Variants in PATJ observed in about 807,000 individuals in gnomAD.
PATJ encodes the protein inaD-like protein.
A neutral mutation model predicts 224.9 loss-of-function variants in PATJ; 190 were observed. The observed-to-expected ratio is 0.84, with a 90% CI of 0.75 to 0.95. The LOEUF is 0.95. Among genes scored for constraint, PATJ ranks in the 40% least tolerant of loss-of-function variants. The pLI, the probability that PATJ is intolerant of heterozygous loss-of-function variation, is 0.00. For synonymous variants in PATJ, 769 were observed against 820.3 expected (o/e 0.94, Z 1.07); for missense variants, 2,121 against 2,270.3 (o/e 0.93, Z 1.34).
chr1:62,007,692 A>T (rs1646173919), intron 28 of PATJ, among the ~76,000 whole-genome samples: 1 of 152,212 alleles, frequency 6.6e-6, no homozygotes, highest in Admixed American at 6.5e-5. Context: ...GAGAAGCCCA[A>T]CATCTAGATG....
chr1:61,893,626 C>G (rs1669918986), intron 22 of PATJ, among the ~76,000 whole-genome samples: 1 of 151,226 alleles, frequency 6.6e-6, no homozygotes, highest in African/African-American at 2.4e-5. Context: ...CATAATGAGA[C>G]CCCGTATCTA....
At chr1:61,871,079 G>T (rs12121398) in intron 20 of PATJ, among the ~76,000 whole-genome samples, 6,096 of 62,906 alleles carry the variant, frequency 0.097, 142 homozygotes, top group Non-Finnish European at 0.12. Flanking sequence ...TGTTTTTTTT[G>T]TTTTTTTTTT....
At position 61,927,845 on chromosome 1, in the gene PATJ, C is replaced by T. The variant is rs763452478; in HGVS notation, c.3670+16C>T. 6.5e-7 allele frequency: 1 copy of T among 1,535,832 alleles called. No individual in the cohort carries two copies. Among genetic ancestry groups the T allele is most frequent in the Non-Finnish European group, 9.0e-7 (1 of 1,111,396 alleles). ...TTTACCGACCGTGAGTGCCTTTTCA[C>T]TATTTAGGGTAGATGCAGAACTTAT... On this transcript the variant is annotated intron_variant, in intron 27 of 43. Coordinates refer to ENST00000642238, the MANE Select transcript of PATJ (RefSeq NM_001350145.3).
chr1:61,835,674 G>A (rs1660065692), intron 17 of PATJ, among the ~76,000 whole-genome samples: 2 of 152,236 alleles, frequency 1.3e-5, no homozygotes, highest in South Asian at 4.1e-4. Context: ...AATGTGCTGG[G>A]ATTGCAGGCA....
At chr1:61,993,835 G>A (rs577150246) in intron 28 of PATJ, among the ~76,000 whole-genome samples, 2 of 152,076 alleles carry the variant, frequency 1.3e-5, no homozygotes, top group African/African-American at 2.4e-5. Context: ...AGAAACTTCC[G>A]GTATCTGTTT....
At chr1:62,128,793 T>G (rs370413780) in intron 40 of PATJ, 48 bp from the exon 41 acceptor site, 2 of 1,279,170 alleles carry the variant, frequency 1.6e-6, no homozygotes, top group Non-Finnish European at 2.3e-6. Flanking sequence ...CTTCTCAAAT[T>G]TAATTTTTCT....
chr1:61,833,687 G>A lies in PATJ; in HGVS notation c.2014G>A (p.Asp672Asn). Reference sequence around the variant, plus strand: ...CAATATGGATGTCAATACTGAAGAAGATGATGATGGGGAATTAGCACTGTG... The same window carrying A: ...CAATATGGATGTCAATACTGAAGAAAATGATGATGGGGAATTAGCACTGTG... ...DHNMDVNTEEDDDGELALWSP... is the reference protein window; with the variant it reads ...DHNMDVNTEENDDGELALWSP... The change falls in exon 17 of 44, where the codon GAT becomes AAT. Residue 672 changes from aspartate (D) to asparagine (N), a missense_variant. By Grantham distance (23) the Asp-to-Asn change is conservative. Transcript: ENST00000642238. 1.2e-6 allele frequency: 2 copies of A among 1,613,404 alleles called. No homozygotes were observed. The highest frequency in any genetic ancestry group is 1.7e-6 in the Non-Finnish European group (2 of 1,179,520).
At chr1:61,875,112 A>T (rs1156455132) in intron 20 of PATJ, 131 bp from the exon 21 acceptor site, 1 of 563,482 alleles carries the variant, frequency 1.8e-6, no homozygotes, top group African/African-American at 1.9e-5. Flanking sequence ...ACCACAGTAT[A>T]AACCATTACT....
intron 33 of PATJ, among the ~76,000 whole-genome samples, chr1:62,093,841 T>C (rs1415537755): frequency 6.6e-6 from 1 of 152,316 alleles, no homozygotes; most frequent in East Asian, 1.9e-4. Context: ...TATTGATAAG[T>C]ATCAACTTTT....
At chr1:61,805,401 G>A in intron 12 of PATJ, 47 bp from the exon 13 acceptor site, 1 of 1,184,580 alleles carries the variant, frequency 8.4e-7, no homozygotes, top group Non-Finnish European at 1.3e-6. Context: ...TTGGCTCACA[G>A]TAGTTTCAAC....
chr1:62,153,466 G>C lies in PATJ; in HGVS notation c.5487G>C (p.Lys1829Asn). Residue 1829 changes from lysine (K) to asparagine (N), a missense_variant, in exon 43 of 44, where the codon AAG becomes AAC. By Grantham distance (94) the Lys-to-Asn change is moderately conservative (BLOSUM62 0). Transcript: ENST00000642238. ...ATGGAGACCTGCCAATTTATGTCAA[G>C]ACTGTATTTGCAAAGGTATATCTTC... ...SPHGDLPIYV[K>N]TVFAKGAAAD... 8.1e-7 allele frequency: 1 copy of C among 1,231,556 alleles called. No individual in the cohort carries two copies. Among genetic ancestry groups the C allele is most frequent in the Middle Eastern group, 3.1e-4 (1 of 3,208 alleles). The allele number at this position is 1,231,556 out of a possible 1,614,324, so 76.3% of individuals were successfully genotyped here.
intron 27 of PATJ, among the ~76,000 whole-genome samples, chr1:61,975,088 G>A (rs946928720): frequency 1.3e-5 from 2 of 151,954 alleles, no homozygotes; most frequent in Non-Finnish European, 2.9e-5. Context: ...GGGACTATAG[G>A]CATGAGCCAC....
At chr1:62,030,880 C>A (rs949031354) in intron 29 of PATJ, among the ~76,000 whole-genome samples, 2 of 152,158 alleles carry the variant, frequency 1.3e-5, no homozygotes, top group Admixed American at 1.3e-4. Flanking sequence ...TAATACTTCA[C>A]TCTATGAATA....
At chr1:61,916,392 CATATA>C (rs1463128780) in intron 26 of PATJ, among the ~76,000 whole-genome samples, 2 of 152,122 alleles carry the variant, frequency 1.3e-5, no homozygotes, top group East Asian at 1.9e-4. Flanking sequence ...ATTTTCTATA[CATATA>C]ATAAATAATA....
At chr1:61,796,101 A>G (rs1248450071) in intron 10 of PATJ, among the ~76,000 whole-genome samples, 1 of 152,222 alleles carries the variant, frequency 6.6e-6, no homozygotes. Context: ...ATGTATACAC[A>G]CACATTGCTT....
chr1:62,024,585 C>T (rs981939655), intron 29 of PATJ, among the ~76,000 whole-genome samples: 1 of 150,652 alleles, frequency 6.6e-6, no homozygotes, highest in Non-Finnish European at 1.5e-5. Flanking sequence ...TTCTTTTTTG[C>T]TGGTCAATAT....
rs556730881 is a variant in PATJ, at chr1:62,141,884, T to G, written c.5272-6400T>G. ...ACTTGGGAGGCGGAGGCAAGAGAAT[T>G]GCTTGACCACGGGAGGCAGAGGTTG... On this transcript the variant is annotated intron_variant, in intron 41 of 43. Coordinates refer to ENST00000642238, the MANE Select transcript of PATJ (RefSeq NM_001350145.3). Among the ~76,000 whole-genome samples the G allele has an allele frequency of 7.2e-5, 11 of 151,966 alleles. No homozygotes were observed. The East Asian group carries it at 2.1e-3, about 29-fold the overall frequency.
At chr1:61,838,229 A>G (rs774741888) in intron 17 of PATJ, among the ~76,000 whole-genome samples, 2 of 151,608 alleles carry the variant, frequency 1.3e-5, no homozygotes, top group African/African-American at 2.4e-5. Flanking sequence ...TTAAAATCCC[A>G]CTCTGTATGT....
At chr1:61,839,934 G>A (rs1477789516) in intron 17 of PATJ, among the ~76,000 whole-genome samples, 2 of 151,956 alleles carry the variant, frequency 1.3e-5, no homozygotes, top group African/African-American at 2.4e-5. Context: ...TGATTCATAT[G>A]TAAATACTGT....
Sources: gnomAD v4.1 joint callset for allele counts (sites outside exome capture counted in the v4.1 genomes callset) on GRCh38, gnomAD v4.1.1 for gene constraint, MANE v1.5 for transcripts, NCBI Gene and HGNC (gene_info 2026-07-23, HGNC 2026-07-21) for gene names.